ENTPD4: variants seen among roughly 807,000 people sequenced by gnomAD.
The protein encoded by ENTPD4 is Golgi UDPase.
Under a neutral mutation model 79.1 loss-of-function variants are expected in ENTPD4, and 60 were observed. That is an observed-to-expected ratio of 0.76 (90% CI 0.62 to 0.94). ENTPD4 has a LOEUF of 0.94. Among genes scored for constraint, ENTPD4 ranks in the 40% least tolerant of loss-of-function variants. The pLI is 0.00. For synonymous variants in ENTPD4, 276 were observed against 292.0 expected, an observed-to-expected ratio of 0.95 and a Z score of 0.56; for missense variants, 772 against 775.1, an observed-to-expected ratio of 1.00 and a Z score of 0.05.
At chr8:23,454,230 T>A (rs1413242785) in intron 1 of ENTPD4, among the ~76,000 whole-genome samples, 1 of 152,218 alleles carries the variant, frequency 6.6e-6, no homozygotes, top group Non-Finnish European at 1.5e-5. Flanking sequence ...TGAGAAAGCC[T>A]ATCTTAAAAG....
rs1381287473 is a variant in ENTPD4, at chr8:23,431,028, G to A, written c.*1898C>T. ...AACACGCTTTGAAATCCAGGTGAGGGAGCCATGCCCCCACAGCTCTTGCCT... is the reference window on the plus strand; with the variant it reads ...AACACGCTTTGAAATCCAGGTGAGGAAGCCATGCCCCCACAGCTCTTGCCT... On this transcript the variant is annotated 3_prime_UTR_variant, in exon 13 of 13. Coordinates refer to ENST00000358689, the MANE Select transcript of ENTPD4 (RefSeq NM_004901.5). 3.8e-5 allele frequency: 36 copies of A among 951,334 alleles called. 1 individual carries two copies. Among genetic ancestry groups the A allele is most frequent in the Non-Finnish European group, 4.3e-5 (34 of 799,020 alleles). 58.9% of individuals were successfully genotyped at this position (951,334 alleles called of 1,614,324 possible). A position where few individuals can be genotyped will look rare whatever the true frequency, so the allele number is the denominator to read the frequency against.
In ENTPD4 at chr8:23,445,958, A is replaced by T. The variant is rs540640858; in HGVS notation, c.413-1352T>A. On this transcript the variant is annotated intron_variant, in intron 4 of 12. Transcript: ENST00000358689. ...CACACATTAGAAAATTACAAACCCA[A>T]AAAGATTAAGTGATTCATCAAAGGA... 2.0e-5 allele frequency among the ~76,000 whole-genome samples: 3 copies of T among 152,318 alleles called. No individual in the cohort carries two copies. The East Asian group carries it at 5.8e-4, about 29-fold the overall frequency.
At chr8:23,437,517 C>T (rs769151872) in intron 9 of ENTPD4, among the ~76,000 whole-genome samples, 1 of 152,154 alleles carries the variant, frequency 6.6e-6, no homozygotes, top group Non-Finnish European at 1.5e-5. Flanking sequence ...GATTAGCCGA[C>T]GATCCTGGCA....
intron 9 of ENTPD4, among the ~76,000 whole-genome samples, chr8:23,437,738 T>C (rs1800597340): frequency 6.6e-6 from 1 of 152,108 alleles, no homozygotes; most frequent in Non-Finnish European, 1.5e-5. Flanking sequence ...CTGGGAAAAA[T>C]TAGCAAACAT....
In ENTPD4 at chr8:23,432,939, G is replaced by C. The variant is rs760898941; in HGVS notation, c.1838C>G (p.Pro613Arg). The C allele has an allele frequency of 6.2e-7, 1 of 1,602,762 alleles. No individual in the cohort carries two copies. The stretch of plus-strand genomic sequence containing the variant: ...CTGTGAGCTGGATCACAAGGTCCCC[G>C]GGGCATTCTGGGCGGGAAGGCCCTC... Reference protein sequence around the residue: ...MEEGLPAQNAPGTL With the variant: ...MEEGLPAQNARGTL The change falls in exon 13 of 13, where the codon CCG becomes CGG. Residue 613 changes from proline (P) to arginine (R), a missense_variant. Physicochemically the swap from Pro to Arg is moderately radical, Grantham distance 103 (BLOSUM62 -2). Coordinates refer to ENST00000358689, the MANE Select transcript of ENTPD4 (RefSeq NM_004901.5).
chr8:23,437,405 T>C, intron 9 of ENTPD4, 147 bp from the exon 10 acceptor site: 1 of 619,766 alleles, frequency 1.6e-6, no homozygotes, highest in Non-Finnish European at 2.7e-6. Flanking sequence ...GGTTCCGAGA[T>C]AATTAGTTAG....
intron 4 of ENTPD4, among the ~76,000 whole-genome samples, chr8:23,445,883 T>C (rs2117296217): frequency 6.6e-6 from 1 of 152,334 alleles, no homozygotes; most frequent in Middle Eastern, 3.4e-3. Flanking sequence ...TCATTTAGCC[T>C]ACAATATTAA....
chr8:23,453,745 C>T (rs892353135), intron 1 of ENTPD4, among the ~76,000 whole-genome samples: 3 of 152,136 alleles, frequency 2.0e-5, no homozygotes, highest in Admixed American at 6.5e-5. Flanking sequence ...AACACTTATG[C>T]ATGCCTATCC....
rs7843529 is a variant in ENTPD4, at chr8:23,432,023, G to A, written c.*903C>T. ...GTTTCTTGGGATTTTTCACACACTC[G>A]CACAAAGCTGTAGTCGATAGTTCAC... On this transcript the variant is annotated 3_prime_UTR_variant, in exon 13 of 13. Coordinates refer to ENST00000358689, the MANE Select transcript of ENTPD4 (RefSeq NM_004901.5). The A allele has an allele frequency of 0.41, 399,883 of 984,754 alleles. 86,790 individuals are homozygous for A. The highest frequency in any genetic ancestry group is 0.78 in the African/African-American group (44,706 of 57,224). 61.0% of individuals were successfully genotyped at this position (984,754 alleles called of 1,614,324 possible). A position where few individuals can be genotyped will look rare whatever the true frequency, so the allele number is the denominator to read the frequency against.
intron 1 of ENTPD4, among the ~76,000 whole-genome samples, chr8:23,454,979 T>C (rs1800932665): frequency 1.3e-5 from 2 of 152,184 alleles, no homozygotes; most frequent in African/African-American, 4.8e-5. Flanking sequence ...CACATAAAAC[T>C]GACATGTTTT....
At position 23,432,140 on chromosome 8, in the gene ENTPD4, T is replaced by C; in HGVS notation, c.*786A>G. 3.0e-6 allele frequency: 3 copies of C among 984,314 alleles called. No individual in the cohort carries two copies. The highest frequency in any genetic ancestry group is 1.1e-4 in the East Asian group (1 of 8,804). The allele number at this position is 984,314 out of a possible 1,614,324, so 61.0% of individuals were successfully genotyped here. On this transcript the variant is annotated 3_prime_UTR_variant, in exon 13 of 13. Transcript: ENST00000358689. ...AAAATTTAAATTTGCAAAGAAAACATATACAGTAACAGACCTGAACAATAA... is the reference window on the plus strand; with the variant it reads ...AAAATTTAAATTTGCAAAGAAAACACATACAGTAACAGACCTGAACAATAA...
chr8:23,432,389 A>G lies in ENTPD4; in HGVS notation c.*537T>C, dbSNP rs1029625193. 46 of 985,578 alleles carry G rather than the reference A, an allele frequency of 4.7e-5. No homozygotes were observed. Among genetic ancestry groups the G allele is most frequent in the Admixed American group, 1.8e-4 (3 of 16,286 alleles). The allele number at this position is 985,578 out of a possible 1,614,324, so 61.1% of individuals were successfully genotyped here. ...CAGAAATCTCATTTATTTTTGGCAGATATCCTGTGCAGCAAAAATCAAGTG... is the reference window on the plus strand; with the variant it reads ...CAGAAATCTCATTTATTTTTGGCAGGTATCCTGTGCAGCAAAAATCAAGTG... On this transcript the variant is annotated 3_prime_UTR_variant, in exon 13 of 13. Transcript: ENST00000358689.
In ENTPD4 at chr8:23,431,878, G is replaced by A. The variant is rs1367218951; in HGVS notation, c.*1048C>T. 7.1e-6 allele frequency: 7 copies of A among 985,276 alleles called. No individual in the cohort carries two copies. Among genetic ancestry groups the A allele is most frequent in the Non-Finnish European group, 8.4e-6 (7 of 829,910 alleles). 61.0% of individuals were successfully genotyped at this position (985,276 alleles called of 1,614,324 possible). Reference sequence around the variant, plus strand: ...TAATGCCACTGAAATATGGAATAAGGAGCGTAATTACCTGCGGTCAGGAAA... The same window carrying A: ...TAATGCCACTGAAATATGGAATAAGAAGCGTAATTACCTGCGGTCAGGAAA... On this transcript the variant is annotated 3_prime_UTR_variant, in exon 13 of 13. Transcript: ENST00000358689.
rs564541654 is a variant in ENTPD4 at position 23,448,490 on chromosome 8, C to T, written c.206+252G>A. The stretch of plus-strand genomic sequence containing the variant: ...ATGAGGGCAGAAACTTCAGGGAGCC[C>T]CCTCACCCCCTTTCCATCATGTGAG... On this transcript the variant is annotated intron_variant, in intron 3 of 12. Coordinates refer to ENST00000358689, the MANE Select transcript of ENTPD4 (RefSeq NM_004901.5). Among the ~76,000 whole-genome samples, 3 of 152,274 alleles carry T rather than the reference C, an allele frequency of 2.0e-5. No homozygotes were observed. In the South Asian group the frequency reaches 6.2e-4, roughly 32 times the overall value.
Position 23,431,971 on chromosome 8 carries a change from G to A in ENTPD4, c.*955C>T, listed in dbSNP as rs1563220465. On this transcript the variant is annotated 3_prime_UTR_variant, in exon 13 of 13. Transcript: ENST00000358689. ...AAATTCTGAAGTGTGTGTTTTTAAA[G>A]AACCAGCATTGCCTCCCCTCACGCT... 1.0e-6 allele frequency: 1 copy of A among 985,112 alleles called. No individual in the cohort carries two copies. The highest frequency in any genetic ancestry group is 1.2e-6 in the Non-Finnish European group (1 of 829,806). The allele number at this position is 985,112 out of a possible 1,614,324, so 61.0% of individuals were successfully genotyped here.
chr8:23,454,989 T>C lies in ENTPD4; in HGVS notation c.-98+2568A>G, dbSNP rs530498235. 2.6e-5 allele frequency among the ~76,000 whole-genome samples: 4 copies of C among 152,298 alleles called. No individual in the cohort carries two copies. In the East Asian group the frequency reaches 5.8e-4, roughly 22 times the overall value. On this transcript the variant is annotated intron_variant, in intron 1 of 12. Transcript: ENST00000358689. The stretch of plus-strand genomic sequence containing the variant: ...AATACCACATAAAACTGACATGTTT[T>C]AAAAAAGCCTAAATTGTGTTAGACC...
Position 23,437,108 on chromosome 8 carries a change from C to A in ENTPD4, c.1200G>T (p.Gln400His), listed in dbSNP as rs1427304582. Residue 400 changes from glutamine (Q) to histidine (H), a missense_variant, in exon 10 of 13, where the codon CAG becomes CAT. Coordinates refer to ENST00000358689, the MANE Select transcript of ENTPD4 (RefSeq NM_004901.5). ...TCTCGTTTGTTTTATTCATGAAAGG[C>A]TGGATAGTCTCTCGACACAGGTCAA... ...GDFDLCRETI[Q>H]PFMNKTNETQ... The A allele has an allele frequency of 5.0e-6, 8 of 1,614,038 alleles. No homozygotes were observed. Among genetic ancestry groups the A allele is most frequent in the Non-Finnish European group, 6.8e-6 (8 of 1,180,038 alleles).
chr8:23,446,420 T>C (rs1563226778), intron 4 of ENTPD4, among the ~76,000 whole-genome samples: 1 of 152,242 alleles, frequency 6.6e-6, no homozygotes, highest in Non-Finnish European at 1.5e-5. Context: ...AATATTACTT[T>C]AACTGAAAAT....
At chr8:23,443,776 G>A in intron 6 of ENTPD4, 74 bp downstream of exon 6, 2 of 820,896 alleles carry the variant, frequency 2.4e-6, no homozygotes, top group Non-Finnish European at 4.2e-6. Context: ...TATAACAAAG[G>A]GTACATTGGT....
Sources: allele counts gnomAD v4.1 joint callset (sites outside exome capture counted in the v4.1 genomes callset), GRCh38; gene constraint gnomAD v4.1.1; transcripts MANE v1.5; gene names NCBI Gene and HGNC (gene_info 2026-07-23, HGNC 2026-07-21).